The following FAM76B variants were observed in gnomAD, a reference collection of about 807,000 sequenced individuals.
FAM76B encodes the protein family with sequence similarity 76 member B, also known as protein FAM76B.
A neutral mutation model predicts 51.8 loss-of-function variants in FAM76B; 16 were observed. The ratio of observed to expected loss-of-function variants is 0.31; its 90% CI spans 0.21 to 0.47. FAM76B has a LOEUF of 0.47. FAM76B is among the 20% of genes least tolerant of loss of function. FAM76B has a pLI of 1.00. For synonymous variants in FAM76B, 166 were observed against 129.5 expected, an observed-to-expected ratio of 1.28 and a Z score of -1.91; for missense variants, 342 against 392.6, an observed-to-expected ratio of 0.87 and a Z score of 1.09.
At chr11:95,780,246 T>C (rs1004955225) in intron 5 of FAM76B, among the ~76,000 whole-genome samples, 9 of 151,926 alleles carry the variant, frequency 5.9e-5, no homozygotes, top group African/African-American at 1.7e-4. Flanking sequence ...TCACTGTACT[T>C]TGGCTGCCCT....
chr11:95,788,869 A>G, intron 1 of FAM76B: 1 of 1,378,488 alleles, frequency 7.3e-7, no homozygotes, highest in Non-Finnish European at 9.5e-7. Context: ...CGTTGCTCAC[A>G]GACAGCATCC....
Position 95,771,475 on chromosome 11 carries a change from T to C in FAM76B, c.*86A>G. On this transcript the variant is annotated 3_prime_UTR_variant, in exon 10 of 10. Coordinates refer to ENST00000358780, the MANE Select transcript of FAM76B (RefSeq NM_144664.5). ...ATTCATTTGGTGTGCAAAAATATTT[T>C]TCTACTACACAGAATTTAAGGGCTT... The C allele has an allele frequency of 1.0e-6, 1 of 988,572 alleles. No homozygotes were observed. Among genetic ancestry groups the C allele is most frequent in the South Asian group, 1.5e-5 (1 of 65,212 alleles). The allele number at this position is 988,572 out of a possible 1,614,324, so 61.2% of individuals were successfully genotyped here.
In FAM76B at chr11:95,779,663, C is replaced by A; in HGVS notation, c.636G>T (p.Gln212His). The change falls in exon 7 of 10, where the codon CAG (glutamine) becomes CAT (histidine). Residue 212 changes from glutamine to histidine, a missense_variant. By Grantham distance (24) the Gln-to-His change is conservative (BLOSUM62 0). Coordinates refer to ENST00000358780, the MANE Select transcript of FAM76B (RefSeq NM_144664.5). ...TGGGCTTTTTCTTTGGAGTTTCATTCTGAATTGTTGCAGAGGATTTATGGC... is the reference window on the plus strand; with the variant it reads ...TGGGCTTTTTCTTTGGAGTTTCATTATGAATTGTTGCAGAGGATTTATGGC... Reference protein sequence around the residue: ...KQSHKSSATIQNETPKKKPKL... With the variant: ...KQSHKSSATIHNETPKKKPKL... 8 of 1,609,612 alleles carry A rather than the reference C, an allele frequency of 5.0e-6. No homozygotes were observed. The highest frequency in any genetic ancestry group is 6.8e-6 in the Non-Finnish European group (8 of 1,177,744).
At position 95,779,013 on chromosome 11, in the gene FAM76B, G is replaced by A. The variant is rs1248659632; in HGVS notation, c.693-56C>T. On this transcript the variant is annotated intron_variant, in intron 7 of 9. Coordinates refer to ENST00000358780, the MANE Select transcript of FAM76B (RefSeq NM_144664.5). ...TGAAGTAGAAGGAAAATTAGCAGGT[G>A]TTCAAATTGCATAAATTAGACAATT... 4 of 1,598,912 alleles carry A rather than the reference G, an allele frequency of 2.5e-6. No individual in the cohort carries two copies. The African/African-American group carries it at 4.0e-5, about 16-fold the overall frequency.
In FAM76B at chr11:95,769,412, G is replaced by GT. The variant is rs1859674079; in HGVS notation, c.*2148dup. ...TAAATACTGTGAAGCCCATGAAAGG[G>GT]TTTTAGCCTTGGAATTTACAAAGCT... On this transcript the variant is annotated 3_prime_UTR_variant, in exon 10 of 10. Transcript: ENST00000358780. The GT allele has an allele frequency of 6.6e-6, 1 of 152,238 alleles. No individual in the cohort carries two copies. The highest frequency in any genetic ancestry group is 2.4e-5 in the African/African-American group (1 of 41,390). 9.4% of individuals were successfully genotyped at this position (152,238 alleles called of 1,614,324 possible).
Position 95,789,722 on chromosome 11 carries a change from T to G in FAM76B, c.-244A>C. 6.3e-6 allele frequency: 3 copies of G among 478,128 alleles called. No homozygotes were observed. Among genetic ancestry groups the G allele is most frequent in the Non-Finnish European group, 1.1e-5 (3 of 272,636 alleles). 29.6% of individuals were successfully genotyped at this position (478,128 alleles called of 1,614,324 possible). ...CCAGCCGCTCCCGCTTAGGCCCCGA[T>G]AGCGGCGGAGGGAGACGAAGCGGGT... On this transcript the variant is annotated 5_prime_UTR_variant, in exon 1 of 10. Coordinates refer to ENST00000358780, the MANE Select transcript of FAM76B (RefSeq NM_144664.5).
chr11:95,775,463 ACT>A (rs959470696), intron 9 of FAM76B, among the ~76,000 whole-genome samples: 25 of 151,260 alleles, frequency 1.7e-4, no homozygotes, highest in African/African-American at 6.1e-4. Context: ...GGTTAAGTAA[ACT>A]CTCTTGCTTT....
rs942990596 is a variant in FAM76B at position 95,789,730 on chromosome 11, G to A, written c.-252C>T. The A allele has an allele frequency of 2.1e-6, 1 of 477,268 alleles. No individual in the cohort carries two copies. The highest frequency in any genetic ancestry group is 2.1e-5 in the African/African-American group (1 of 48,276). 29.6% of individuals were successfully genotyped at this position (477,268 alleles called of 1,614,324 possible). A position where few individuals can be genotyped will look rare whatever the true frequency, so the allele number is the denominator to read the frequency against. On this transcript the variant is annotated 5_prime_UTR_variant, in exon 1 of 10. Coordinates refer to ENST00000358780, the MANE Select transcript of FAM76B (RefSeq NM_144664.5). ...TCCCGCTTAGGCCCCGATAGCGGCG[G>A]AGGGAGACGAAGCGGGTAGGGGGTT...
intron 9 of FAM76B, among the ~76,000 whole-genome samples, chr11:95,775,668 C>A (rs1055736820): frequency 4.6e-5 from 7 of 151,354 alleles, no homozygotes; most frequent in Non-Finnish European, 1.0e-4. Flanking sequence ...TCCAATGATA[C>A]CCTCCTCCAA....
intron 5 of FAM76B, among the ~76,000 whole-genome samples, chr11:95,782,524 G>A (rs898346797): frequency 7.9e-5 from 12 of 151,926 alleles, no homozygotes; most frequent in Non-Finnish European, 1.5e-4. Context: ...TTTAAGTAGA[G>A]TTCCTAAATA....
chr11:95,775,965 T>G lies in FAM76B; in HGVS notation c.887A>C (p.Asn296Thr). The G allele has an allele frequency of 2.5e-6, 4 of 1,595,946 alleles. No homozygotes were observed. Among genetic ancestry groups the G allele is most frequent in the Non-Finnish European group, 3.4e-6 (4 of 1,170,916 alleles). Residue 296 changes from asparagine to threonine, a missense_variant, in exon 9 of 10, where the codon AAC (asparagine) becomes ACC (threonine). Physicochemically the swap from Asn to Thr is moderately conservative, Grantham distance 65. Around this residue, in one of 3 missense-constraint regions of FAM76B, gnomAD observed 230 missense variants for 257.4 expected, o/e 0.89. Transcript: ENST00000358780. ...YQESNLRTKM[N>T]SMEKAHKETV... is the part of the protein sequence containing the mutation. The stretch of plus-strand genomic sequence containing the variant: ...TTCTTTGTGGGCTTTTTCCATACTG[T>G]TCATTTTTGTTCTCAAATTTGACTC...
intron 8 of FAM76B, among the ~76,000 whole-genome samples, chr11:95,776,231 C>T (rs1860001477): frequency 6.6e-6 from 1 of 151,366 alleles, no homozygotes; most frequent in Admixed American, 6.6e-5. Context: ...AATGTTAATA[C>T]CTGACCATCA....
In FAM76B at chr11:95,789,778, G is replaced by C. The variant is rs1035673680; in HGVS notation, c.-300C>G. 1.2e-5 allele frequency: 4 copies of C among 343,506 alleles called. No individual in the cohort carries two copies. Among genetic ancestry groups the C allele is most frequent in the African/African-American group, 2.1e-5 (1 of 46,568 alleles). The allele number at this position is 343,506 out of a possible 1,614,324, so 21.3% of individuals were successfully genotyped here. The stretch of plus-strand genomic sequence containing the variant: ...GTTGCTGTTTAGCTGTGCGGCCGTG[G>C]ATCCGCTTCCTTCTCGGCCTCCCTT... On this transcript the variant is annotated 5_prime_UTR_variant, in exon 1 of 10. In the 5' UTR this introduces an upstream ATG that the reference lacks. Transcript: ENST00000358780.
At chr11:95,780,378 A>T (rs1860202539) in intron 5 of FAM76B, among the ~76,000 whole-genome samples, 1 of 151,936 alleles carries the variant, frequency 6.6e-6, no homozygotes, top group Non-Finnish European at 1.5e-5. Context: ...TAAATGGGGA[A>T]ATATATTGAT....
chr11:95,788,435 C>A (rs928118840), intron 2 of FAM76B, 64 bp downstream of exon 2: 1 of 1,279,968 alleles, frequency 7.8e-7, no homozygotes, highest in Non-Finnish European at 1.1e-6. Flanking sequence ...GGGATTACAA[C>A]CCCCAAGTAT....
intron 1 of FAM76B, 59 bp downstream of exon 1, chr11:95,789,333 G>A (rs1018208059): frequency 2.8e-5 from 42 of 1,521,168 alleles, no homozygotes; most frequent in Non-Finnish European, 7.1e-6. Context: ...GCGGCTACCC[G>A]GCCCCCTCCG....
intron 1 of FAM76B, 58 bp downstream of exon 1, chr11:95,789,334 G>GC (rs1260917631): frequency 2.0e-6 from 3 of 1,520,908 alleles, no homozygotes; most frequent in Non-Finnish European, 2.7e-6. Flanking sequence ...CGGCTACCCG[G>GC]CCCCCTCCGG....
rs548542567 is a variant in FAM76B, at chr11:95,770,389, G to T, written c.*1172C>A. On this transcript the variant is annotated 3_prime_UTR_variant, in exon 10 of 10. Coordinates refer to ENST00000358780, the MANE Select transcript of FAM76B (RefSeq NM_144664.5). ...TAAAAAGATCATTTAATTTTTTTCA[G>T]ATTTGCTTTAAATTTACAAATTACA... The T allele has an allele frequency of 2.6e-5, 4 of 151,652 alleles. No homozygotes were observed. Among genetic ancestry groups the T allele is most frequent in the Admixed American group, 1.3e-4 (2 of 15,126 alleles). 9.4% of individuals were successfully genotyped at this position (151,652 alleles called of 1,614,324 possible).
chr11:95,777,111 G>A (rs1456933427), intron 8 of FAM76B, among the ~76,000 whole-genome samples: 1 of 151,370 alleles, frequency 6.6e-6, no homozygotes, highest in African/African-American at 2.4e-5. Context: ...TGGAAAATAA[G>A]AATTATGTCT....
Sources: allele counts gnomAD v4.1 joint callset (sites outside exome capture counted in the v4.1 genomes callset), GRCh38; gene constraint gnomAD v4.1.1; regional missense constraint gnomAD v4.1.1; transcripts MANE v1.5; gene names NCBI Gene and HGNC (gene_info 2026-07-23, HGNC 2026-07-21).